Variants in FAM120A observed in about 807,000 individuals in gnomAD.
FAM120A encodes the protein constitutive coactivator of PPAR-gamma-like protein 1.
Under a neutral mutation model 109.7 loss-of-function variants are expected in FAM120A, and 15 were observed. The observed-to-expected ratio is 0.14, with a 90% CI of 0.09 to 0.21. The LOEUF is 0.21. FAM120A is among the 10% of genes least tolerant of loss of function. The pLI is 1.00. For synonymous variants in FAM120A, 493 were observed against 572.8 expected (o/e 0.86, Z 1.99); for missense variants, 899 against 1,439.3 (o/e 0.62, Z 6.07).
In FAM120A at chr9:93,479,323, C is replaced by A. The variant is rs974340158; in HGVS notation, c.804+2985C>A. On this transcript the variant is annotated intron_variant, in intron 3 of 17. Transcript: ENST00000277165. Reference sequence around the variant, plus strand: ...CCGTTTTAGCTGGGATGGTCTCGATCTCCTGACCTCGTGATCCGCCCGCCT... The same window carrying A: ...CCGTTTTAGCTGGGATGGTCTCGATATCCTGACCTCGTGATCCGCCCGCCT... Among the ~76,000 whole-genome samples the A allele has an allele frequency of 6.6e-5, 10 of 152,144 alleles. 1 individual carries two copies. In the Middle Eastern group the frequency reaches 0.02, roughly 310 times the overall value.
chr9:93,492,194 A>G (rs1027679023), intron 3 of FAM120A, among the ~76,000 whole-genome samples: 3 of 151,610 alleles, frequency 2.0e-5, no homozygotes, highest in Non-Finnish European at 4.4e-5. Context: ...ATATATATAT[A>G]TGTATATATA....
At chr9:93,559,300 T>C (rs1195596125) in intron 15 of FAM120A, among the ~76,000 whole-genome samples, 1 of 152,232 alleles carries the variant, frequency 6.6e-6, no homozygotes, top group African/African-American at 2.4e-5. Flanking sequence ...GGTGCTGTAA[T>C]TGGAAGTCAG....
intron 5 of FAM120A, among the ~76,000 whole-genome samples, chr9:93,514,759 C>T (rs894241779): frequency 2.0e-5 from 3 of 152,246 alleles, no homozygotes; most frequent in Admixed American, 6.5e-5. Flanking sequence ...GTCTCTGGAA[C>T]AGCCCTTTAT....
chr9:93,482,722 AAC>A (rs1858874245), intron 3 of FAM120A, among the ~76,000 whole-genome samples: 1 of 152,054 alleles, frequency 6.6e-6, no homozygotes, highest in African/African-American at 2.4e-5. Flanking sequence ...CCAGGGTTGG[AAC>A]ACACAGCAGA....
At chr9:93,527,903 G>A (rs867798766) in intron 8 of FAM120A, among the ~76,000 whole-genome samples, 1 of 152,024 alleles carries the variant, frequency 6.6e-6, no homozygotes, top group African/African-American at 2.4e-5. Flanking sequence ...GATTATAGAC[G>A]TGAGCCACCA....
chr9:93,480,381 C>T (rs1356502223), intron 3 of FAM120A, among the ~76,000 whole-genome samples: 1 of 152,144 alleles, frequency 6.6e-6, no homozygotes, highest in African/African-American at 2.4e-5. Context: ...TTGCTGCAGT[C>T]CCGGAGATGC....
intron 10 of FAM120A, among the ~76,000 whole-genome samples, chr9:93,533,675 C>T (rs765669748): frequency 2.4e-4 from 37 of 152,192 alleles, no homozygotes; most frequent in Non-Finnish European, 3.5e-4. Flanking sequence ...CTCTACCCTT[C>T]ACTTCTGCAG....
chr9:93,491,408 G>A (rs924049070), intron 3 of FAM120A, among the ~76,000 whole-genome samples: 1 of 152,236 alleles, frequency 6.6e-6, no homozygotes, highest in Non-Finnish European at 1.5e-5. Flanking sequence ...ATATCCGTCT[G>A]TCAGTGATGT....
At position 93,452,145 on chromosome 9, in the gene FAM120A, A is replaced by C; in HGVS notation, c.230A>C (p.Tyr77Ser). ...GGCCAGTGGAACCACATGCTTGGCT[A>C]CCTGGCGGCGCTGGCCAAGGCCTGC... ...SGGQWNHMLG[Y>S]LAALAKACFG... is the part of the protein sequence containing the mutation. Residue 77 changes from tyrosine to serine, a missense_variant, in exon 1 of 18, where the codon TAC (tyrosine) becomes TCC (serine). Physicochemically the swap from Tyr to Ser is moderately radical, Grantham distance 144. Coordinates refer to ENST00000277165, the MANE Select transcript of FAM120A (RefSeq NM_014612.5). The surrounding 1 kb of genome is among the most constrained non-coding windows in gnomAD (Gnocchi z 7.0). 1.2e-6 allele frequency: 2 copies of C among 1,611,746 alleles called. No homozygotes were observed. The highest frequency in any genetic ancestry group is 1.7e-6 in the Non-Finnish European group (2 of 1,179,760).
intron 3 of FAM120A, among the ~76,000 whole-genome samples, chr9:93,494,841 G>A (rs953654604): frequency 6.6e-5 from 10 of 152,284 alleles, no homozygotes; most frequent in African/African-American, 2.2e-4. Context: ...ACTGGCCTCT[G>A]GCACGGGTGA....
At chr9:93,530,961 T>G (rs1312540851) in intron 9 of FAM120A, 1 of 152,220 alleles carries the variant, frequency 6.6e-6, no homozygotes, top group Non-Finnish European at 1.5e-5. Context: ...CGACATGCTT[T>G]CTTATTTCTT....
intron 3 of FAM120A, among the ~76,000 whole-genome samples, chr9:93,492,583 C>T (rs4743925): frequency 0.91 from 137,863 of 152,194 alleles, 62,488 homozygotes; most frequent in East Asian, 1. Flanking sequence ...GAGCTCATCC[C>T]GGACTGGATT....
chr9:93,552,420 G>A (rs762581856), intron 12 of FAM120A, among the ~76,000 whole-genome samples: 22 of 152,240 alleles, frequency 1.4e-4, no homozygotes, highest in Middle Eastern at 6.8e-3. Flanking sequence ...CTGACTCATC[G>A]ATCCTCTGGG....
intron 7 of FAM120A, among the ~76,000 whole-genome samples, chr9:93,518,600 A>G (rs1860709542): frequency 6.6e-6 from 1 of 152,246 alleles, no homozygotes. Context: ...CTGTGCGCAG[A>G]GCTTGCATTC....
chr9:93,522,207 A>T (rs1035360699), intron 7 of FAM120A, among the ~76,000 whole-genome samples: 1 of 152,224 alleles, frequency 6.6e-6, no homozygotes, highest in African/African-American at 2.4e-5. Context: ...ACAATTTTTA[A>T]TTCTTTGTTT....
intron 7 of FAM120A, chr9:93,523,280 G>T: frequency 4.7e-6 from 6 of 1,285,914 alleles, no homozygotes; most frequent in Non-Finnish European, 6.1e-6. Context: ...GTCCTTTAAG[G>T]CCTTTCCAAC....
At chr9:93,489,264 G>A (rs1363388307) in intron 3 of FAM120A, among the ~76,000 whole-genome samples, 1 of 152,164 alleles carries the variant, frequency 6.6e-6, no homozygotes, top group Admixed American at 6.5e-5. Context: ...CTATAAGATG[G>A]GGATTTTAAC....
At chr9:93,464,530 G>T in intron 1 of FAM120A, among the ~76,000 whole-genome samples, 1 of 152,178 alleles carries the variant, frequency 6.6e-6, no homozygotes, top group East Asian at 1.9e-4. Flanking sequence ...AGGTTAGAGT[G>T]TTGTATTGGA....
At chr9:93,505,930 C>T (rs750209836) in intron 5 of FAM120A, among the ~76,000 whole-genome samples, 6 of 152,064 alleles carry the variant, frequency 3.9e-5, no homozygotes, top group South Asian at 2.1e-4. Context: ...TCTTGTTCAC[C>T]GTGTGGAGAA....
Sources: gnomAD v4.1 joint callset for allele counts (sites outside exome capture counted in the v4.1 genomes callset) on GRCh38, gnomAD v4.1.1 for gene constraint, Gnocchi (gnomAD v3.1) non-coding constraint, MANE v1.5 for transcripts, NCBI Gene and HGNC (gene_info 2026-07-23, HGNC 2026-07-21) for gene names.